The following RNF11 variants were observed in gnomAD, a reference collection of about 807,000 sequenced individuals.
The protein encoded by RNF11 is ring finger protein 11.
Under a neutral mutation model 15.8 loss-of-function variants are expected in RNF11, and 4 were observed. The ratio of observed to expected loss-of-function variants is 0.25; its 90% CI spans 0.12 to 0.58. The LOEUF (loss-of-function observed/expected upper bound fraction) is 0.58. RNF11 is among the 20% of genes least tolerant of loss of function. The probability of loss-of-function intolerance (pLI) is 0.91; values close to 1 mark genes in which losing one functional copy is unlikely to be tolerated. For synonymous variants in RNF11, 68 were observed against 72.3 expected (o/e 0.94, Z 0.30); for missense variants, 139 against 194.4 (o/e 0.71, Z 1.70).
chr1:51,260,114 A>G (rs764802123), intron 1 of RNF11, among the ~76,000 whole-genome samples: 2 of 152,190 alleles, frequency 1.3e-5, no homozygotes, highest in African/African-American at 4.8e-5. Context: ...TTTTTTGTGA[A>G]TTAGTTTTTA....
Position 51,247,244 on chromosome 1 carries a change from G to A in RNF11, c.123+10365G>A, listed in dbSNP as rs546789581. ...TTTAGAGACGGGGTTTCACCTTGTTGCCTAGGCTGGAGTGCAGTGGCTATT... is the reference window on the plus strand; with the variant it reads ...TTTAGAGACGGGGTTTCACCTTGTTACCTAGGCTGGAGTGCAGTGGCTATT... On this transcript the variant is annotated intron_variant, in intron 1 of 2. Coordinates refer to ENST00000242719, the MANE Select transcript of RNF11 (RefSeq NM_014372.5). Among the ~76,000 whole-genome samples the A allele has an allele frequency of 4.0e-5, 6 of 151,746 alleles. No homozygotes were observed. In the South Asian group the frequency reaches 1.2e-3, roughly 32 times the overall value.
chr1:51,250,001 C>G (rs1464189720), intron 1 of RNF11, among the ~76,000 whole-genome samples: 1 of 152,218 alleles, frequency 6.6e-6, no homozygotes, highest in Non-Finnish European at 1.5e-5. Flanking sequence ...TTCTGTCAAT[C>G]TATCCTGTTG....
rs1345515730 is a variant in RNF11, at chr1:51,272,980, A to G, written c.*1658A>G. The G allele has an allele frequency of 5.3e-5, 8 of 152,160 alleles. No homozygotes were observed. The highest frequency in any genetic ancestry group is 1.9e-4 in the African/African-American group (8 of 41,454). 9.4% of individuals were successfully genotyped at this position (152,160 alleles called of 1,614,324 possible). ...AGCCCCATGATGGAAAGACTTAAAG[A>G]TGAATTTGAGAAAAATTGAAAGAAA... On this transcript the variant is annotated 3_prime_UTR_variant, in exon 3 of 3. Transcript: ENST00000242719.
chr1:51,237,656 A>T (rs1200039639), intron 1 of RNF11, among the ~76,000 whole-genome samples: 1 of 152,096 alleles, frequency 6.6e-6, no homozygotes, highest in Non-Finnish European at 1.5e-5. Flanking sequence ...TTTTTGTACA[A>T]TAATCAGTAG....
intron 1 of RNF11, among the ~76,000 whole-genome samples, chr1:51,243,220 T>C (rs907136111): frequency 2.0e-5 from 3 of 152,236 alleles, no homozygotes; most frequent in African/African-American, 7.2e-5. Context: ...TGGAGTAGAA[T>C]GTTACCTTCC....
chr1:51,264,287 A>AAATAT (rs1557682286), intron 1 of RNF11, among the ~76,000 whole-genome samples: 5 of 32,530 alleles, frequency 1.5e-4, no homozygotes, highest in South Asian at 1.4e-3. Context: ...AAAAAAAAAA[A>AAATAT]ATATATATAT....
chr1:51,245,352 T>C (rs1305415707), intron 1 of RNF11, among the ~76,000 whole-genome samples: 1 of 152,060 alleles, frequency 6.6e-6, no homozygotes, highest in African/African-American at 2.4e-5. Flanking sequence ...GGGGTCTCAC[T>C]ATATTGCCCA....
intron 1 of RNF11, among the ~76,000 whole-genome samples, chr1:51,261,937 C>T (rs1351006596): frequency 6.6e-6 from 1 of 152,178 alleles, no homozygotes. Context: ...TCACTGCAAC[C>T]TCCGTCTCTC....
At chr1:51,261,116 A>G (rs763939631) in intron 1 of RNF11, among the ~76,000 whole-genome samples, 10 of 152,152 alleles carry the variant, frequency 6.6e-5, no homozygotes, top group Non-Finnish European at 1.2e-4. Context: ...TGTTTCTCAA[A>G]AATGTTTCTC....
At chr1:51,267,683 C>T (rs1646961186) in intron 1 of RNF11, among the ~76,000 whole-genome samples, 1 of 152,196 alleles carries the variant, frequency 6.6e-6, no homozygotes, top group Admixed American at 6.5e-5. Flanking sequence ...TGAACATAAA[C>T]CATATAGTGT....
At chr1:51,239,765 G>A (rs1646820492) in intron 1 of RNF11, among the ~76,000 whole-genome samples, 1 of 152,102 alleles carries the variant, frequency 6.6e-6, no homozygotes, top group Non-Finnish European at 1.5e-5. Flanking sequence ...CAAATTATAT[G>A]TAATTAACAG....
chr1:51,241,151 G>A, intron 1 of RNF11, among the ~76,000 whole-genome samples: 1 of 151,730 alleles, frequency 6.6e-6, no homozygotes, highest in South Asian at 2.1e-4. Flanking sequence ...TAGAGACAGG[G>A]TCTCATTATG....
rs1180117005 is a variant in RNF11, at chr1:51,266,187, G to T, written c.124-3769G>T. On this transcript the variant is annotated intron_variant, in intron 1 of 2. Coordinates refer to ENST00000242719, the MANE Select transcript of RNF11 (RefSeq NM_014372.5). Reference sequence around the variant, plus strand: ...TATGTATTTTTGTTCATTAACCTAGGTAGGGGGCATAGAAATTCTGAGTTT... The same window carrying T: ...TATGTATTTTTGTTCATTAACCTAGTTAGGGGGCATAGAAATTCTGAGTTT... The T allele has an allele frequency of 3.3e-5, 5 of 152,288 alleles. No homozygotes were observed. The East Asian group carries it at 9.6e-4, about 29-fold the overall frequency. 9.4% of individuals were successfully genotyped at this position (152,288 alleles called of 1,614,324 possible). A position where few individuals can be genotyped will look rare whatever the true frequency, so the allele number is the denominator to read the frequency against.
chr1:51,264,317 T>TATATATATATAC (rs376694497), intron 1 of RNF11, among the ~76,000 whole-genome samples: 60 of 75,482 alleles, frequency 7.9e-4, no homozygotes, highest in African/African-American at 1.1e-3. Flanking sequence ...TATATATATA[T>TATATATATATAC]ACACACACAC....
chr1:51,268,866 A>C (rs1646966592), intron 1 of RNF11, among the ~76,000 whole-genome samples: 1 of 152,254 alleles, frequency 6.6e-6, no homozygotes, highest in African/African-American at 2.4e-5. Flanking sequence ...AGCCAAGGAC[A>C]GTAGCACTTA....
chr1:51,237,689 G>T (rs868588727), intron 1 of RNF11, among the ~76,000 whole-genome samples: 3 of 151,990 alleles, frequency 2.0e-5, no homozygotes, highest in Admixed American at 2.0e-4. Flanking sequence ...TGCAGAATTC[G>T]AGTGAAGACC....
chr1:51,256,442 A>G (rs1646904800), intron 1 of RNF11, among the ~76,000 whole-genome samples: 2 of 152,176 alleles, frequency 1.3e-5, no homozygotes, highest in Admixed American at 6.5e-5. Flanking sequence ...GCATTGATAT[A>G]CTGTAGTTTA....
intron 1 of RNF11, among the ~76,000 whole-genome samples, chr1:51,257,347 G>T (rs545680548): frequency 1.3e-5 from 2 of 152,354 alleles, no homozygotes; most frequent in East Asian, 3.9e-4. Context: ...GCACTCACGT[G>T]AGGACCTGGT....
chr1:51,270,451 G>A (rs891019858), intron 2 of RNF11, among the ~76,000 whole-genome samples: 2 of 151,800 alleles, frequency 1.3e-5, no homozygotes, highest in African/African-American at 4.8e-5. Context: ...CATCTCTACT[G>A]AAAATACGAA....
Sources: allele counts gnomAD v4.1 joint callset (sites outside exome capture counted in the v4.1 genomes callset), GRCh38; gene constraint gnomAD v4.1.1; transcripts MANE v1.5; gene names NCBI Gene and HGNC (gene_info 2026-07-23, HGNC 2026-07-21).